The following PKNOX2 variants were observed in gnomAD, a reference collection of about 807,000 sequenced individuals.
PKNOX2 encodes homeobox protein PKNOX2.
PKNOX2 carries 14 observed loss-of-function variants against 53.1 expected under a neutral mutation model. The observed-to-expected ratio is 0.26, with a 90% CI of 0.17 to 0.41. The LOEUF is 0.41. PKNOX2 is among the 10% of genes least tolerant of loss of function. PKNOX2 has a pLI of 1.00. For synonymous variants in PKNOX2, 257 were observed against 242.8 expected (o/e 1.06, Z -0.54); for missense variants, 496 against 602.8 (o/e 0.82, Z 1.85).
Position 125,268,057 on chromosome 11 carries a change from G to C in PKNOX2, c.-130+32942G>C, listed in dbSNP as rs571370368. Among the ~76,000 whole-genome samples the C allele has an allele frequency of 2.6e-5, 4 of 152,316 alleles. No homozygotes were observed. In the South Asian group the frequency reaches 8.3e-4, roughly 32 times the overall value. ...AAAACTTTGCCAACAACTCTCCTCTGAGGGTCTCTGGCCTGAGGTCACTGA... is the reference window on the plus strand; with the variant it reads ...AAAACTTTGCCAACAACTCTCCTCTCAGGGTCTCTGGCCTGAGGTCACTGA... On this transcript the variant is annotated intron_variant, in intron 2 of 12. Coordinates refer to ENST00000298282, the MANE Select transcript of PKNOX2 (RefSeq NM_001382323.2).
At chr11:125,427,828 G>A (rs1410524019) in intron 10 of PKNOX2, among the ~76,000 whole-genome samples, 28 of 152,034 alleles carry the variant, frequency 1.8e-4, no homozygotes, top group Admixed American at 1.8e-3. Flanking sequence ...TCAGACGTTC[G>A]CCACACCTTA....
At chr11:125,390,884 G>A (rs1473152188) in intron 6 of PKNOX2, among the ~76,000 whole-genome samples, 2 of 152,178 alleles carry the variant, frequency 1.3e-5, no homozygotes, top group African/African-American at 4.8e-5. Context: ...GAATCATCAG[G>A]CAGTTCTCCA....
At chr11:125,401,006 C>T (rs1715645003) in intron 7 of PKNOX2, among the ~76,000 whole-genome samples, 1 of 148,946 alleles carries the variant, frequency 6.7e-6, no homozygotes, top group African/African-American at 2.5e-5. Context: ...GTGGCTACCA[C>T]AAGGTCTTGT....
At chr11:125,309,063 T>C (rs1003267868) in intron 2 of PKNOX2, among the ~76,000 whole-genome samples, 23 of 152,258 alleles carry the variant, frequency 1.5e-4, no homozygotes, top group Non-Finnish European at 3.2e-4. Flanking sequence ...AACCATTGAC[T>C]CCTTCATCTG....
chr11:125,254,769 C>G (rs1044879607), intron 2 of PKNOX2, among the ~76,000 whole-genome samples: 1 of 152,114 alleles, frequency 6.6e-6, no homozygotes, highest in Non-Finnish European at 1.5e-5. Context: ...AGCCCTGTTC[C>G]CACCTCACCT....
chr11:125,297,683 G>A (rs59339851), intron 2 of PKNOX2, among the ~76,000 whole-genome samples: 3,841 of 152,212 alleles, frequency 0.025, 77 homozygotes, highest in South Asian at 0.053. Flanking sequence ...CCAGCCCTTC[G>A]TCATAAACAC....
At position 125,338,489 on chromosome 11, in the gene PKNOX2, A is replaced by C. The variant is rs183957758; in HGVS notation, c.-23+6564A>C. ...TGCCCTTGGGGAGTCATCTTAGAAG[A>C]GTAGCCCCGTTTCCTTCTCCTTCCC... On this transcript the variant is annotated intron_variant, in intron 3 of 12. Transcript: ENST00000298282. Among the ~76,000 whole-genome samples, 42 of 152,264 alleles carry C rather than the reference A, an allele frequency of 2.8e-4. No homozygotes were observed. The East Asian group carries it at 8.1e-3, about 29-fold the overall frequency.
At chr11:125,252,466 C>G (rs1399488441) in intron 2 of PKNOX2, among the ~76,000 whole-genome samples, 1 of 152,208 alleles carries the variant, frequency 6.6e-6, no homozygotes, top group Non-Finnish European at 1.5e-5. Context: ...TTGCAGGAAG[C>G]TGTTGCCAGA....
chr11:125,360,574 C>T (rs1434737592), intron 4 of PKNOX2, among the ~76,000 whole-genome samples: 1 of 152,170 alleles, frequency 6.6e-6, no homozygotes, highest in Non-Finnish European at 1.5e-5. Context: ...CCTTCTGTGA[C>T]ACCAGGGGCC....
At chr11:125,403,712 A>G (rs1954894441) in intron 7 of PKNOX2, among the ~76,000 whole-genome samples, 6 of 152,148 alleles carry the variant, frequency 3.9e-5, no homozygotes, top group Admixed American at 3.9e-4. Flanking sequence ...GGGTCCTGGG[A>G]CCTGGGTGGA....
Position 125,165,272 on chromosome 11 carries a change from G to C in PKNOX2, c.-201+496G>C, listed in dbSNP as rs1216394781. ...GGGCCCAACCCCGTAGCGGGCGGGC[G>C]GGGAGCTGTGCGCCAGGAGCGCCAG... On this transcript the variant is annotated intron_variant, in intron 1 of 12. Transcript: ENST00000298282. This position sits in a 1 kb window ranked among gnomAD's most constrained non-coding sequence, Gnocchi z 4.5. 6.6e-6 allele frequency among the ~76,000 whole-genome samples: 1 copy of C among 152,060 alleles called. No individual in the cohort carries two copies.
At chr11:125,405,835 G>C (rs543256176) in intron 7 of PKNOX2, among the ~76,000 whole-genome samples, 1 of 152,184 alleles carries the variant, frequency 6.6e-6, no homozygotes, top group African/African-American at 2.4e-5. Context: ...GGAGCCCGGC[G>C]TGTTGGTTTT....
intron 1 of PKNOX2, among the ~76,000 whole-genome samples, chr11:125,198,393 G>A (rs1456507194): frequency 6.6e-6 from 1 of 152,236 alleles, no homozygotes; most frequent in Non-Finnish European, 1.5e-5. Context: ...ATCAGTTTCA[G>A]CCGCGGATCC....
chr11:125,189,389 A>ATATATATATG (rs1376362887), intron 1 of PKNOX2, among the ~76,000 whole-genome samples: 1,389 of 123,638 alleles, frequency 0.011, 12 homozygotes, highest in Non-Finnish European at 0.019. Context: ...ATATGTGTGT[A>ATATATATATG]TATATATATG....
At chr11:125,227,137 C>A (rs1426081645) in intron 1 of PKNOX2, among the ~76,000 whole-genome samples, 1 of 152,090 alleles carries the variant, frequency 6.6e-6, no homozygotes, top group African/African-American at 2.4e-5. Flanking sequence ...AATTTGCCAT[C>A]TTAAGCATTT....
intron 1 of PKNOX2, among the ~76,000 whole-genome samples, chr11:125,195,742 TC>T (rs1397390674): frequency 6.6e-6 from 1 of 152,144 alleles, no homozygotes; most frequent in Non-Finnish European, 1.5e-5. Flanking sequence ...AGTGGGGCAG[TC>T]CCATCGGCAG....
Position 125,385,315 on chromosome 11 carries a change from G to A in PKNOX2, c.228-236G>A, listed in dbSNP as rs114558053. On this transcript the variant is annotated intron_variant, in intron 5 of 12. Transcript: ENST00000298282. ...ATCTGACCAAAGAGAAAAGGTAGGC[G>A]ACCAGTGGGTAGGGACAGAAGCCTC... Among the ~76,000 whole-genome samples the A allele has an allele frequency of 8.3e-3, 1,257 of 152,298 alleles. 16 individuals are homozygous for A. The highest frequency in any genetic ancestry group is 0.028 in the African/African-American group (1,153 of 41,542).
At chr11:125,429,404 G>A (rs1222484203) in intron 11 of PKNOX2, among the ~76,000 whole-genome samples, 2 of 152,230 alleles carry the variant, frequency 1.3e-5, no homozygotes, top group Non-Finnish European at 2.9e-5. Context: ...AGACAGGATT[G>A]CCCGCAGCTG....
intron 1 of PKNOX2, among the ~76,000 whole-genome samples, chr11:125,189,780 T>C (rs1342829562): frequency 2.0e-5 from 3 of 151,720 alleles, no homozygotes; most frequent in Non-Finnish European, 4.4e-5. Flanking sequence ...ATTTTTTCGG[T>C]CTTCTAGGCT....
Sources: allele counts gnomAD v4.1 joint callset (sites outside exome capture counted in the v4.1 genomes callset), GRCh38; gene constraint gnomAD v4.1.1; non-coding constraint Gnocchi (gnomAD v3.1); transcripts MANE v1.5; gene names NCBI Gene and HGNC (gene_info 2026-07-23, HGNC 2026-07-21).